Variants in CCR3 observed in about 807,000 individuals in gnomAD.
CCR3 encodes the protein C-C chemokine receptor type 3.
For synonymous variants in CCR3, 203 were observed against 179.2 expected (o/e 1.13, Z -1.06); for missense variants, 419 against 437.5 (o/e 0.96, Z 0.38).
chr3:46,255,941 TG>T (rs1441443762), intron 1 of CCR3, among the ~76,000 whole-genome samples: 2 of 152,056 alleles, frequency 1.3e-5, no homozygotes, highest in African/African-American at 4.8e-5. Context: ...TGAAGAATAA[TG>T]GTGGTATTGA....
chr3:46,260,295 A>G (rs11923627), intron 1 of CCR3, among the ~76,000 whole-genome samples: 15,423 of 152,126 alleles, frequency 0.1, 935 homozygotes, highest in South Asian at 0.19. Flanking sequence ...ACATTTCAAA[A>G]CCAATCATAC....
chr3:46,254,947 A>G (rs1452319560), intron 1 of CCR3, among the ~76,000 whole-genome samples: 5 of 152,118 alleles, frequency 3.3e-5, no homozygotes, highest in African/African-American at 1.2e-4. Context: ...CAAATGATAG[A>G]TCGACTTTTA....
At chr3:46,264,695 G>GTTA (rs773607751) in intron 1 of CCR3, 1 of 461,286 alleles carries the variant, frequency 2.2e-6, no homozygotes, top group Admixed American at 4.0e-5. Flanking sequence ...AATAATCATT[G>GTTA]TTATTATTAT....
intron 1 of CCR3, chr3:46,264,508 T>G (rs1268283949): frequency 2.7e-6 from 3 of 1,125,456 alleles, no homozygotes; most frequent in Non-Finnish European, 3.8e-6. Context: ...CATTTGAATC[T>G]AGTGACAGGA....
chr3:46,211,893 CAG>C (rs1429763122), intron 2 of CCR3, among the ~76,000 whole-genome samples: 1 of 152,162 alleles, frequency 6.6e-6, no homozygotes, highest in Non-Finnish European at 1.5e-5. Flanking sequence ...GTGGTGGAAA[CAG>C]AGAAATATCA....
chr3:46,221,332 T>C (rs1343459982), intron 2 of CCR3, among the ~76,000 whole-genome samples: 4 of 152,244 alleles, frequency 2.6e-5, no homozygotes, highest in Non-Finnish European at 5.9e-5. Flanking sequence ...GACAAATGGA[T>C]CTGACAACAG....
intron 1 of CCR3, among the ~76,000 whole-genome samples, chr3:46,243,542 G>A (rs1483634314): frequency 1.3e-5 from 2 of 152,068 alleles, no homozygotes; most frequent in Admixed American, 1.3e-4. Context: ...GAGCTAGAAA[G>A]CCTTACCGAT....
At chr3:46,227,037 A>ATT (rs35059249) in intron 2 of CCR3, among the ~76,000 whole-genome samples, 8,803 of 150,574 alleles carry the variant, frequency 0.058, 419 homozygotes, top group South Asian at 0.24. Flanking sequence ...ATGCCTGGCT[A>ATT]TTTTTTTATT....
intron 1 of CCR3, among the ~76,000 whole-genome samples, chr3:46,256,622 G>C (rs1438733608): frequency 6.6e-6 from 1 of 151,938 alleles, no homozygotes; most frequent in African/African-American, 2.4e-5. Context: ...AGTCACAAGG[G>C]TATAACAGTT....
intron 1 of CCR3, among the ~76,000 whole-genome samples, chr3:46,259,000 C>T (rs982005684): frequency 1.3e-5 from 2 of 152,150 alleles, no homozygotes; most frequent in Non-Finnish European, 2.9e-5. Context: ...AAAAATATGG[C>T]TGTTTCACTC....
In CCR3 at chr3:46,266,377, A is replaced by C; in HGVS notation, c.*151A>C. On this transcript the variant is annotated 3_prime_UTR_variant, in exon 2 of 2. Coordinates refer to ENST00000395940, the MANE Select transcript of CCR3 (RefSeq NM_178329.3). ...ACTGAAATATACACACAGCAGTAGC[A>C]GTAGATGCATGTACCCTAAGGTCAT... 1 of 617,454 alleles carries C rather than the reference A, an allele frequency of 1.6e-6. No individual in the cohort carries two copies. The highest frequency in any genetic ancestry group is 2.9e-6 in the Non-Finnish European group (1 of 341,000). The allele number at this position is 617,454 out of a possible 1,614,324, so 38.2% of individuals were successfully genotyped here.
intron 2 of CCR3, among the ~76,000 whole-genome samples, chr3:46,220,530 C>G (rs1699824440): frequency 6.6e-6 from 1 of 152,116 alleles, no homozygotes; most frequent in South Asian, 2.1e-4. Context: ...GAAGTCGTTA[C>G]AATGAAAAAG....
intron 1 of CCR3, among the ~76,000 whole-genome samples, chr3:46,247,635 A>G (rs1700222330): frequency 6.6e-6 from 1 of 152,176 alleles, no homozygotes; most frequent in Non-Finnish European, 1.5e-5. Context: ...ATCAGACTGT[A>G]TAGAGGTGGG....
chr3:46,234,045 T>G (rs571897726), intron 2 of CCR3, among the ~76,000 whole-genome samples: 15 of 152,374 alleles, frequency 9.8e-5, no homozygotes, highest in African/African-American at 3.4e-4. Flanking sequence ...CAGGGGGCAG[T>G]ATGCCCTTGT....
intron 2 of CCR3, among the ~76,000 whole-genome samples, chr3:46,225,952 T>C (rs1449907793): frequency 6.6e-6 from 1 of 152,242 alleles, no homozygotes; most frequent in Non-Finnish European, 1.5e-5. Context: ...TATCCCTCCA[T>C]TTAATGGCTT....
At chr3:46,235,767 A>T (rs1435893116) in intron 2 of CCR3, among the ~76,000 whole-genome samples, 1 of 152,258 alleles carries the variant, frequency 6.6e-6, no homozygotes, top group South Asian at 2.1e-4. Flanking sequence ...AGGACTGGCC[A>T]TAAAAGAGCA....
At chr3:46,248,923 G>T (rs1406698219) in intron 1 of CCR3, among the ~76,000 whole-genome samples, 1 of 152,016 alleles carries the variant, frequency 6.6e-6, no homozygotes, top group Non-Finnish European at 1.5e-5. Context: ...AACTTGTAAG[G>T]CTTGTCTGGT....
At position 46,265,940 on chromosome 3, in the gene CCR3, T is replaced by G; in HGVS notation, c.782T>G (p.Leu261Arg). 6.2e-7 allele frequency: 1 copy of G among 1,614,112 alleles called. No individual in the cohort carries two copies. The highest frequency in any genetic ancestry group is 1.7e-5 in the Admixed American group (1 of 60,020). Residue 261 changes from leucine (L) to arginine (R), a missense_variant, in exon 2 of 2, where the codon CTC becomes CGC. By Grantham distance (102) the Leu-to-Arg change is moderately radical. Coordinates refer to ENST00000395940, the MANE Select transcript of CCR3 (RefSeq NM_178329.3). ...FWTPYNVAIL[L>R]SSYQSILFGN... ...ACACCCTACAATGTGGCTATCCTTC[T>G]CTCTTCCTATCAATCCATCTTATTT...
chr3:46,242,578 G>A (rs1225852910), intron 1 of CCR3, 40 bp downstream of exon 1: 1 of 152,086 alleles, frequency 6.6e-6, no homozygotes, highest in Non-Finnish European at 1.5e-5. Flanking sequence ...GTGGAACAAG[G>A]AGGGGTCCAG....
Sources: gnomAD v4.1 joint callset for allele counts (sites outside exome capture counted in the v4.1 genomes callset) on GRCh38, gnomAD v4.1.1 for gene constraint, MANE v1.5 for transcripts, NCBI Gene and HGNC (gene_info 2026-07-23, HGNC 2026-07-21) for gene names.